Variants in LOC128706666 observed in about 807,000 individuals in gnomAD.
At chr20:10,429,009 A>G in the LOC128706666 span, among the ~76,000 whole-genome samples, 2 of 152,136 alleles carry the variant, frequency 1.3e-5, no homozygotes, top group Admixed American at 6.5e-5. Context: ...TCTCTTTTGC[A>G]TAACTATGAC....
chr20:10,429,150 A>G, the LOC128706666 span, among the ~76,000 whole-genome samples: 1 of 152,072 alleles, frequency 6.6e-6, no homozygotes, highest in Non-Finnish European at 1.5e-5. Flanking sequence ...TTCCCATTCC[A>G]TCTTCAAACC....
At chr20:10,427,930 G>A in the LOC128706666 span, among the ~76,000 whole-genome samples, 6 of 152,210 alleles carry the variant, frequency 3.9e-5, no homozygotes, top group East Asian at 3.8e-4. Flanking sequence ...TGCTAACAGC[G>A]TAACTGAGTC....
chr20:10,426,418 C>CT, the LOC128706666 span, among the ~76,000 whole-genome samples: 5 of 152,106 alleles, frequency 3.3e-5, no homozygotes, highest in East Asian at 7.7e-4. Context: ...GTTCTTTTTT[C>CT]TTTTTTTGGG....
At chr20:10,426,316 G>A in the LOC128706666 span, among the ~76,000 whole-genome samples, 22 of 152,340 alleles carry the variant, frequency 1.4e-4, no homozygotes, top group East Asian at 4.2e-3. Flanking sequence ...TCCAGTGTGT[G>A]ATCACGGATG....
At chr20:10,429,875 C>T in the LOC128706666 span, among the ~76,000 whole-genome samples, 1 of 152,288 alleles carries the variant, frequency 6.6e-6, no homozygotes, top group African/African-American at 2.4e-5. Flanking sequence ...AGCTGCCCCT[C>T]CTGACCTACT....
the LOC128706666 span, among the ~76,000 whole-genome samples, chr20:10,418,119 G>A: frequency 6.6e-6 from 1 of 152,192 alleles, no homozygotes; most frequent in African/African-American, 2.4e-5. Flanking sequence ...TAATGCAAAT[G>A]TGTTTGTGTA....
chr20:10,415,622 T>C, the LOC128706666 span, among the ~76,000 whole-genome samples: 4 of 152,320 alleles, frequency 2.6e-5, no homozygotes, highest in African/African-American at 9.6e-5. Context: ...TTCAGCAAAA[T>C]CTGAGAAATA....
At chr20:10,413,820 T>C in the LOC128706666 span, 690 of 514,288 alleles carry the variant, frequency 1.3e-3, 8 homozygotes, top group East Asian at 0.019. Context: ...TGTTCCAAGA[T>C]GGACACCTAT....
At chr20:10,417,813 C>A in the LOC128706666 span, among the ~76,000 whole-genome samples, 1 of 151,824 alleles carries the variant, frequency 6.6e-6, no homozygotes, top group Non-Finnish European at 1.5e-5. Flanking sequence ...ATGAAAGTAG[C>A]CTCTTGATAT....
the LOC128706666 span, among the ~76,000 whole-genome samples, chr20:10,418,845 T>C: frequency 4.7e-4 from 72 of 152,114 alleles, 1 homozygote; most frequent in South Asian, 4.1e-4. Context: ...AGACTATATA[T>C]ATAAAAATCC....
At chr20:10,420,390 T>C in the LOC128706666 span, 1 of 152,190 alleles carries the variant, frequency 6.6e-6, no homozygotes, top group South Asian at 2.1e-4. Flanking sequence ...TGCAGAATAG[T>C]ATTTTGCCAG....
the LOC128706666 span, among the ~76,000 whole-genome samples, chr20:10,417,245 TAAAA>T: frequency 1.5e-5 from 2 of 132,408 alleles, no homozygotes; most frequent in African/African-American, 2.8e-5. Flanking sequence ...GACTCCATCT[TAAAA>T]AAAAAAAAAA....
At chr20:10,421,785 T>C in the LOC128706666 span, among the ~76,000 whole-genome samples, 1 of 151,406 alleles carries the variant, frequency 6.6e-6, no homozygotes, top group African/African-American at 2.4e-5. Flanking sequence ...AAAATATATA[T>C]ATATATATTT....
At chr20:10,428,525 G>T in the LOC128706666 span, among the ~76,000 whole-genome samples, 2 of 152,144 alleles carry the variant, frequency 1.3e-5, no homozygotes, top group Non-Finnish European at 2.9e-5. Flanking sequence ...GTCCCCTTAT[G>T]TGCACCTTAG....
At chr20:10,429,888 G>A in the LOC128706666 span, among the ~76,000 whole-genome samples, 1 of 152,278 alleles carries the variant, frequency 6.6e-6, no homozygotes, top group East Asian at 1.9e-4. Flanking sequence ...GACCTACTGA[G>A]TCAGAAACTC....
the LOC128706666 span, among the ~76,000 whole-genome samples, chr20:10,416,102 A>G: frequency 7.9e-5 from 12 of 152,326 alleles, no homozygotes; most frequent in Admixed American, 5.9e-4. Context: ...AAGAGTTACC[A>G]TTAGACGAAT....
the LOC128706666 span, chr20:10,431,739 C>T: frequency 6.6e-6 from 1 of 152,190 alleles, no homozygotes; most frequent in African/African-American, 2.4e-5. Context: ...CACTGCCACC[C>T]ACGATAACAG....
At chr20:10,428,510 T>C in the LOC128706666 span, among the ~76,000 whole-genome samples, 1 of 152,196 alleles carries the variant, frequency 6.6e-6, no homozygotes. Context: ...CACCTCTAAC[T>C]TGTTGTCCCC....
the LOC128706666 span, among the ~76,000 whole-genome samples, chr20:10,433,402 T>A: frequency 6.6e-6 from 1 of 152,090 alleles, no homozygotes; most frequent in Non-Finnish European, 1.5e-5. Flanking sequence ...GAACATGGAG[T>A]CAGGACCGTG....
Sources: gnomAD v4.1 joint callset for allele counts (sites outside exome capture counted in the v4.1 genomes callset) on GRCh38, gnomAD v4.1.1 for gene constraint, MANE v1.5 for transcripts.